Variants in EXOC4 observed in about 807,000 individuals in gnomAD.
EXOC4 encodes exocyst complex component 4.
Under a neutral mutation model 107.2 loss-of-function variants are expected in EXOC4, and 71 were observed. That is an observed-to-expected ratio of 0.66 (90% CI 0.55 to 0.81). The LOEUF is 0.81. Ranked by LOEUF, EXOC4 falls within the 30% of genes least tolerant of loss-of-function variation. The pLI is 0.00. For synonymous variants in EXOC4, 456 were observed against 441.2 expected (o/e 1.03, Z -0.42); for missense variants, 1,108 against 1,189.6 (o/e 0.93, Z 1.01).
At chr7:133,970,575 A>C (rs1801183467) in intron 14 of EXOC4, among the ~76,000 whole-genome samples, 1 of 151,918 alleles carries the variant, frequency 6.6e-6, no homozygotes, top group Non-Finnish European at 1.5e-5. Context: ...ACAGTCCCTC[A>C]CGGCTTCCCT....
chr7:133,719,576 GACCTTT>G (rs1795065246), intron 10 of EXOC4, among the ~76,000 whole-genome samples: 1 of 151,668 alleles, frequency 6.6e-6, no homozygotes, highest in Admixed American at 6.6e-5. Flanking sequence ...GTGTGCCTCA[GACCTTT>G]GTCTGTCTGC....
intron 5 of EXOC4, among the ~76,000 whole-genome samples, chr7:133,347,988 T>C (rs1289473025): frequency 2.0e-5 from 3 of 152,188 alleles, no homozygotes; most frequent in African/African-American, 4.8e-5. Flanking sequence ...ACACGTTGAG[T>C]ACATATTGTA....
At chr7:133,831,586 T>C (rs1297565694) in intron 11 of EXOC4, among the ~76,000 whole-genome samples, 1 of 151,988 alleles carries the variant, frequency 6.6e-6, no homozygotes, top group Admixed American at 6.6e-5. Flanking sequence ...AGCATCTCCT[T>C]ACTTTCTGGC....
chr7:133,525,571 T>G (rs1381026230), intron 9 of EXOC4, among the ~76,000 whole-genome samples: 2 of 152,164 alleles, frequency 1.3e-5, no homozygotes, highest in African/African-American at 4.8e-5. Flanking sequence ...CCTTTTGACC[T>G]GTCAGGATAA....
At chr7:133,954,252 A>G (rs1800762254) in intron 14 of EXOC4, among the ~76,000 whole-genome samples, 1 of 152,236 alleles carries the variant, frequency 6.6e-6, no homozygotes, top group African/African-American at 2.4e-5. Flanking sequence ...AAGCAGTAAT[A>G]ATCTATCAGA....
At chr7:134,003,161 A>G (rs1215163537) in intron 15 of EXOC4, among the ~76,000 whole-genome samples, 1 of 152,216 alleles carries the variant, frequency 6.6e-6, no homozygotes, top group Non-Finnish European at 1.5e-5. Context: ...ATGGGTGAAT[A>G]TCAAATGCTT....
At chr7:133,965,022 G>C (rs893596960) in intron 14 of EXOC4, among the ~76,000 whole-genome samples, 12 of 152,086 alleles carry the variant, frequency 7.9e-5, no homozygotes, top group Non-Finnish European at 1.5e-4. Context: ...GATTGCCATT[G>C]TAACTGGCGT....
intron 7 of EXOC4, among the ~76,000 whole-genome samples, chr7:133,376,813 A>G (rs1796500950): frequency 1.3e-5 from 2 of 152,206 alleles, no homozygotes; most frequent in African/African-American, 4.8e-5. Context: ...TTCTAGGAGT[A>G]GAAGACAGGC....
intron 10 of EXOC4, among the ~76,000 whole-genome samples, chr7:133,766,385 A>G (rs1169911559): frequency 6.6e-6 from 1 of 152,060 alleles, no homozygotes; most frequent in Non-Finnish European, 1.5e-5. Context: ...CTTTAAAGGA[A>G]AGCAACTCGC....
At chr7:133,937,604 A>T (rs73440822) in intron 13 of EXOC4, among the ~76,000 whole-genome samples, 2,286 of 152,312 alleles carry the variant, frequency 0.015, 54 homozygotes, top group African/African-American at 0.052. Flanking sequence ...AGCAGTATAG[A>T]CGCCATCCCC....
intron 13 of EXOC4, among the ~76,000 whole-genome samples, chr7:133,927,224 T>C (rs1019557628): frequency 6.6e-6 from 1 of 152,196 alleles, no homozygotes; most frequent in Non-Finnish European, 1.5e-5. Flanking sequence ...GGAAAGCCAC[T>C]GGCCTACATT....
intron 3 of EXOC4, among the ~76,000 whole-genome samples, chr7:133,292,082 C>T (rs775953189): frequency 2.0e-5 from 3 of 152,154 alleles, no homozygotes; most frequent in Admixed American, 1.3e-4. Context: ...TGGTGGCCCA[C>T]GCCTGTAATC....
At chr7:134,100,835 T>G in the EXOC4 span, among the ~76,000 whole-genome samples, 3 of 128,682 alleles carry the variant, frequency 2.3e-5, 1 homozygote, top group Non-Finnish European at 3.4e-5. Context: ...TCCCAGCTAC[T>G]TGGGAGGCTG....
At chr7:133,570,795 A>G (rs1262811971) in intron 9 of EXOC4, among the ~76,000 whole-genome samples, 1 of 152,244 alleles carries the variant, frequency 6.6e-6, no homozygotes, top group Admixed American at 6.5e-5. Context: ...AACAAGATTT[A>G]AGAAGCATCT....
At chr7:133,809,595 A>G (rs1477119561) in intron 10 of EXOC4, among the ~76,000 whole-genome samples, 1 of 152,238 alleles carries the variant, frequency 6.6e-6, no homozygotes, top group South Asian at 2.1e-4. Context: ...AAAATGCAGA[A>G]GTCATAAAGG....
At position 133,734,428 on chromosome 7, in the gene EXOC4, T is replaced by C. The variant is rs938428016; in HGVS notation, c.1515-82897T>C. On this transcript the variant is annotated intron_variant, in intron 10 of 17. Transcript: ENST00000253861. ...TGAAGTTCACTTATCTCATGATAATTCTTCACTTTTTTTTTTTTTCGAGAT... is the reference window on the plus strand; with the variant it reads ...TGAAGTTCACTTATCTCATGATAATCCTTCACTTTTTTTTTTTTTCGAGAT... Among the ~76,000 whole-genome samples the C allele has an allele frequency of 3.0e-5, 3 of 99,540 alleles. No individual in the cohort carries two copies. In the South Asian group the frequency reaches 1.3e-3, roughly 42 times the overall value. 65.3% of individuals were successfully genotyped at this position (99,540 alleles called of 152,430 possible).
rs138629721 is a variant in EXOC4 at position 133,818,572 on chromosome 7, A to T, written c.1734+1028A>T. On this transcript the variant is annotated intron_variant, in intron 11 of 17. Transcript: ENST00000253861. ...GATATTGATAAAATAGAATAGGAAG[A>T]TGTTCATTTGGATGGTCTGGGTCTC... 1.1e-4 allele frequency among the ~76,000 whole-genome samples: 17 copies of T among 152,280 alleles called. No individual in the cohort carries two copies. In the East Asian group the frequency reaches 2.9e-3, roughly 26 times the overall value.
At chr7:133,821,713 C>T (rs1797525803) in intron 11 of EXOC4, among the ~76,000 whole-genome samples, 1 of 152,154 alleles carries the variant, frequency 6.6e-6, no homozygotes, top group African/African-American at 2.4e-5. Context: ...AGAGGTAAAG[C>T]ACAGAACCAT....
At chr7:133,511,157 A>G (rs976019742) in intron 9 of EXOC4, among the ~76,000 whole-genome samples, 6 of 152,214 alleles carry the variant, frequency 3.9e-5, no homozygotes, top group Admixed American at 3.9e-4. Context: ...GAATTAAACA[A>G]TAAAAAAGAC....
Sources: allele counts gnomAD v4.1 joint callset (sites outside exome capture counted in the v4.1 genomes callset), GRCh38; gene constraint gnomAD v4.1.1; transcripts MANE v1.5; gene names NCBI Gene and HGNC (gene_info 2026-07-23, HGNC 2026-07-21).